The following GSE1 variants were observed in gnomAD, a reference collection of about 807,000 sequenced individuals.
GSE1 encodes Gse1 coiled-coil protein, also known as genetic suppressor element 1.
Under a neutral mutation model 112.6 loss-of-function variants are expected in GSE1, and 32 were observed. The ratio of observed to expected loss-of-function variants is 0.28; its 90% CI spans 0.21 to 0.38. GSE1 has a LOEUF of 0.38. GSE1 is among the 10% of genes least tolerant of loss of function. The pLI is 1.00. For missense variants in GSE1, 2,348 were observed against 1,699.2 expected (o/e 1.38, Z -6.71); for synonymous variants, 1,115 against 735.6 (o/e 1.52, Z -8.35).
intron 9 of GSE1, chr16:85,662,555 G>T (rs962451829): frequency 6.2e-6 from 1 of 160,240 alleles, no homozygotes; most frequent in Non-Finnish European, 1.4e-5. Context: ...CTCTGCTATT[G>T]TTCTCTGTGT....
intron 1 of GSE1, among the ~76,000 whole-genome samples, chr16:85,210,759 C>A (rs1007903465): frequency 2.0e-5 from 3 of 152,174 alleles, no homozygotes; most frequent in Non-Finnish European, 2.9e-5. Flanking sequence ...CACCCGCTGC[C>A]CATTGAAACA....
Position 85,654,325 on chromosome 16 carries a change from G to A in GSE1, c.474G>A (p.Val158=), listed in dbSNP as rs201414196. The A allele has an allele frequency of 3.2e-4, 509 of 1,611,022 alleles. 1 individual carries two copies. The highest frequency in any genetic ancestry group is 4.0e-4 in the Non-Finnish European group (466 of 1,179,370). Reference sequence around the variant, plus strand: ...GTGGAGGTCGGGAACGCCTCATTGTGGAGCCCCCGCTCCCTCAGGAGAAGG... The same window carrying A: ...GTGGAGGTCGGGAACGCCTCATTGTAGAGCCCCCGCTCCCTCAGGAGAAGG... ...SSSGGRERLI[V]EPPLPQEKAG... The change falls in exon 4 of 16, where the codon GTG becomes GTA. Residue 158 remains valine (V), a synonymous_variant. Coordinates refer to ENST00000253458, the MANE Select transcript of GSE1 (RefSeq NM_014615.5).
intron 1 of GSE1, among the ~76,000 whole-genome samples, chr16:85,255,465 G>A (rs370670966): frequency 3.3e-5 from 5 of 150,180 alleles, no homozygotes; most frequent in Middle Eastern, 3.2e-3. Flanking sequence ...AGGCCGGAGC[G>A]CAGTGGCATG....
In GSE1 at chr16:85,669,843, C is replaced by T. The variant is rs1397571646; in HGVS notation, c.3416-1152C>T. 8.5e-5 allele frequency among the ~76,000 whole-genome samples: 13 copies of T among 152,204 alleles called. 1 individual carries two copies. Among genetic ancestry groups the T allele is most frequent in the Non-Finnish European group, 2.9e-5 (2 of 68,030 alleles). On this transcript the variant is annotated intron_variant, in intron 14 of 15. Coordinates refer to ENST00000253458, the MANE Select transcript of GSE1 (RefSeq NM_014615.5). ...TTGTCCTGGCAATGTGTGGGGTGCC[C>T]TCTTCCCTGCCTCACTCCCACACCT...
intron 1 of GSE1, among the ~76,000 whole-genome samples, chr16:85,228,588 AG>A (rs766726855): frequency 1.3e-5 from 2 of 152,176 alleles, no homozygotes; most frequent in Non-Finnish European, 2.9e-5. Flanking sequence ...TGGGCATTCC[AG>A]GAAGTGTTGC....
At chr16:85,229,924 GA>G (rs1467831228) in intron 1 of GSE1, among the ~76,000 whole-genome samples, 1 of 152,222 alleles carries the variant, frequency 6.6e-6, no homozygotes, top group Admixed American at 6.5e-5. Flanking sequence ...TTTAGGGGAA[GA>G]AAGTGTCTCC....
intron 1 of GSE1, among the ~76,000 whole-genome samples, chr16:85,348,710 C>G (rs898716570): frequency 6.6e-6 from 1 of 152,208 alleles, no homozygotes; most frequent in African/African-American, 2.4e-5. Flanking sequence ...GCCTGCCTGG[C>G]TCTGGATCGT....
chr16:85,385,529 C>T (rs2047668777), intron 2 of GSE1, among the ~76,000 whole-genome samples: 1 of 152,144 alleles, frequency 6.6e-6, no homozygotes, highest in Admixed American at 6.5e-5. Flanking sequence ...GGGCAGGAAG[C>T]CAAGCGGAGT....
At chr16:85,485,973 T>C (rs776663640) in intron 2 of GSE1, among the ~76,000 whole-genome samples, 12 of 152,200 alleles carry the variant, frequency 7.9e-5, no homozygotes, top group Non-Finnish European at 1.2e-4. Flanking sequence ...CTCTCCTCCA[T>C]AGGGGCCCTG....
intron 2 of GSE1, among the ~76,000 whole-genome samples, chr16:85,397,009 C>T (rs750851330): frequency 1.9e-4 from 29 of 152,202 alleles, no homozygotes; most frequent in Non-Finnish European, 3.1e-4. Context: ...AGAGCAAGGA[C>T]CAAGAGACGG....
intron 2 of GSE1, among the ~76,000 whole-genome samples, chr16:85,379,344 G>A (rs952708767): frequency 2.6e-5 from 4 of 152,202 alleles, no homozygotes; most frequent in Non-Finnish European, 4.4e-5. Flanking sequence ...ATCACCCCCA[G>A]TGCCTAGAAT....
chr16:85,652,465 C>A (rs1383679167), intron 3 of GSE1, among the ~76,000 whole-genome samples: 1 of 152,196 alleles, frequency 6.6e-6, no homozygotes, highest in Non-Finnish European at 1.5e-5. Flanking sequence ...AGTCGTGAAC[C>A]CAGGAGGACC....
At chr16:85,212,691 T>A (rs887475780) in intron 1 of GSE1, among the ~76,000 whole-genome samples, 1 of 152,192 alleles carries the variant, frequency 6.6e-6, no homozygotes, top group Non-Finnish European at 1.5e-5. Flanking sequence ...TCGTTATGGC[T>A]GCCCAAGAAA....
At chr16:85,454,786 T>G (rs958963630) in intron 2 of GSE1, among the ~76,000 whole-genome samples, 2 of 152,080 alleles carry the variant, frequency 1.3e-5, no homozygotes, top group African/African-American at 4.8e-5. Flanking sequence ...CATGCAGCCT[T>G]CTATGGGTCC....
intron 2 of GSE1, among the ~76,000 whole-genome samples, chr16:85,443,337 C>T (rs1291390323): frequency 4.6e-5 from 7 of 152,246 alleles, no homozygotes; most frequent in African/African-American, 9.6e-5. Context: ...CAGCGCAGTG[C>T]AGCGCATGGC....
chr16:85,521,149 G>C (rs2151153631), intron 2 of GSE1, among the ~76,000 whole-genome samples: 1 of 152,272 alleles, frequency 6.6e-6, no homozygotes, highest in African/African-American at 2.4e-5. Flanking sequence ...GGAGGCCTTG[G>C]ACTCCTGACC....
intron 2 of GSE1, among the ~76,000 whole-genome samples, chr16:85,532,876 CT>C (rs1414467592): frequency 1.3e-5 from 2 of 152,242 alleles, no homozygotes; most frequent in African/African-American, 2.4e-5. Context: ...CCTGCAAGTC[CT>C]GCGCCTGTGG....
At chr16:85,487,571 G>A (rs1454022449) in intron 2 of GSE1, among the ~76,000 whole-genome samples, 1 of 152,208 alleles carries the variant, frequency 6.6e-6, no homozygotes, top group Admixed American at 6.5e-5. Context: ...GAGAGGCTAG[G>A]TGACCCGCCC....
At chr16:85,384,661 C>T (rs926013909) in intron 2 of GSE1, among the ~76,000 whole-genome samples, 5 of 152,218 alleles carry the variant, frequency 3.3e-5, no homozygotes, top group Non-Finnish European at 7.3e-5. Context: ...TGGGAACTCA[C>T]GGCCAGGCGT....
Sources: allele counts gnomAD v4.1 joint callset (sites outside exome capture counted in the v4.1 genomes callset), GRCh38; gene constraint gnomAD v4.1.1; transcripts MANE v1.5; gene names NCBI Gene and HGNC (gene_info 2026-07-23, HGNC 2026-07-21).